Variants in PCDHGA7 observed in about 807,000 individuals in gnomAD.
PCDHGA7 encodes protocadherin gamma subfamily A, 7, also known as protocadherin gamma-A7.
PCDHGA7 carries 44 observed loss-of-function variants against 58.3 expected under a neutral mutation model. The observed-to-expected ratio is 0.75, with a 90% CI of 0.59 to 0.97. The LOEUF (loss-of-function observed/expected upper bound fraction) is 0.97. PCDHGA7 is among the 50% of genes least tolerant of loss of function. The pLI is 0.00. For synonymous variants in PCDHGA7, 516 were observed against 504.2 expected (o/e 1.02, Z -0.31); for missense variants, 1,266 against 1,188.7 (o/e 1.06, Z -0.96).
At chr5:141,427,249 G>A (rs1417336994) in intron 1 of PCDHGA7, 1 of 456,742 alleles carries the variant, frequency 2.2e-6, no homozygotes, top group African/African-American at 2.0e-5. Context: ...GCTAAGGATG[G>A]TGGAGGCATG....
chr5:141,458,059 T>A (rs533147047), intron 1 of PCDHGA7, among the ~76,000 whole-genome samples: 1 of 152,238 alleles, frequency 6.6e-6, no homozygotes, highest in Admixed American at 6.5e-5. Flanking sequence ...CTTGCTGCAC[T>A]GATGCGAACA....
intron 3 of PCDHGA7, 88 bp from the exon 4 acceptor site, chr5:141,510,859 A>G: frequency 6.2e-7 from 1 of 1,606,096 alleles, no homozygotes; most frequent in Non-Finnish European, 8.5e-7. Context: ...GGTGCTGTAT[A>G]GGCATTCATT....
chr5:141,421,047 C>G, intron 1 of PCDHGA7: 1 of 552,794 alleles, frequency 1.8e-6, no homozygotes, highest in Middle Eastern at 4.8e-4. Flanking sequence ...CCTCCCCCGC[C>G]TCTACCACAC....
In PCDHGA7 at chr5:141,480,033, C is replaced by G. The variant is rs370321166; in HGVS notation, c.2425-14774C>G. On this transcript the variant is annotated intron_variant, in intron 1 of 3. Coordinates refer to ENST00000518325, the MANE Select transcript of PCDHGA7 (RefSeq NM_018920.4). ...CTCAATCTCCTTTCTAAGCCTCTTC[C>G]TCATATGCAAAAAGGGAATAATAAG... is the stretch of plus-strand genomic sequence containing the variant. Among the ~76,000 whole-genome samples, 3 of 152,224 alleles carry G rather than the reference C, an allele frequency of 2.0e-5. No individual in the cohort carries two copies. The East Asian group carries it at 5.8e-4, about 29-fold the overall frequency.
In PCDHGA7 at chr5:141,512,926, T is replaced by C. The variant is rs1438111849; in HGVS notation, c.*1753T>C. The C allele has an allele frequency of 6.6e-6, 1 of 152,216 alleles. No homozygotes were observed. The highest frequency in any genetic ancestry group is 1.5e-5 in the Non-Finnish European group (1 of 68,048). 9.4% of individuals were successfully genotyped at this position (152,216 alleles called of 1,614,324 possible). A position where few individuals can be genotyped will look rare whatever the true frequency, so the allele number is the denominator to read the frequency against. On this transcript the variant is annotated 3_prime_UTR_variant, in exon 4 of 4. Coordinates refer to ENST00000518325, the MANE Select transcript of PCDHGA7 (RefSeq NM_018920.4). ...CGCAAGTTTTATACTCTAATATTTA[T>C]ATGGCTTTTTTTCTTCGACAAAAAA...
chr5:141,483,833 G>A (rs964111814), intron 1 of PCDHGA7, among the ~76,000 whole-genome samples: 1 of 152,116 alleles, frequency 6.6e-6, no homozygotes, highest in Admixed American at 6.5e-5. Flanking sequence ...CCTAGGTAAG[G>A]ACTTGGTTGA....
At position 141,395,542 on chromosome 5, in the gene PCDHGA7, T is replaced by TTG. The variant is rs55729045; in HGVS notation, c.2424+10267_2424+10268dup. On this transcript the variant is annotated intron_variant, in intron 1 of 3. Transcript: ENST00000518325. ...TCCATACTGGTAATTTTGCTATTGT[T>TTG]TGTGTGTGTGTGTGTGTGTGTGTGT... 1.5e-3 allele frequency: 267 copies of TTG among 172,614 alleles called. 1 individual carries two copies. The highest frequency in any genetic ancestry group is 2.3e-3 in the African/African-American group (40 of 17,550). The allele number at this position is 172,614 out of a possible 1,614,324, so 10.7% of individuals were successfully genotyped here.
In PCDHGA7 at chr5:141,404,896, C is replaced by T. The variant is rs182502698; in HGVS notation, c.2424+19573C>T. ...AGAGCCTTGTGGTGGCTGTACAGGA[C>T]CATGGCCAGCCCCCTCTCTCGGCCA... On this transcript the variant is annotated intron_variant, in intron 1 of 3. Transcript: ENST00000518325. The T allele has an allele frequency of 3.7e-5, 59 of 1,613,884 alleles. No homozygotes were observed. The Admixed American group carries it at 8.3e-4, about 23-fold the overall frequency.
At chr5:141,418,065 G>T in intron 1 of PCDHGA7, 1 of 1,614,064 alleles carries the variant, frequency 6.2e-7, no homozygotes, top group East Asian at 2.2e-5. Context: ...CTGCGAGTGA[G>T]CGCGGAGAAG....
At chr5:141,404,675 G>A (rs1048688884) in intron 1 of PCDHGA7, 2 of 1,614,200 alleles carry the variant, frequency 1.2e-6, no homozygotes, top group Non-Finnish European at 1.7e-6. Flanking sequence ...TTCTACTGGT[G>A]TGGAGCTGGC....
intron 1 of PCDHGA7, chr5:141,392,171 C>A (rs1182647236): frequency 6.6e-6 from 1 of 152,216 alleles, no homozygotes; most frequent in African/African-American, 2.4e-5. Flanking sequence ...CTGAGTCAGT[C>A]ATCTCCAGTA....
intron 1 of PCDHGA7, chr5:141,393,020 A>G: frequency 2.5e-6 from 4 of 1,613,760 alleles, no homozygotes; most frequent in Non-Finnish European, 3.4e-6. Flanking sequence ...TCGTCTCCAG[A>G]GGTAGGACGC....
intron 1 of PCDHGA7, chr5:141,394,860 G>T: frequency 1.2e-6 from 2 of 1,613,792 alleles, no homozygotes; most frequent in Non-Finnish European, 1.7e-6. Context: ...GCCTTCGGTC[G>T]ACCCGAACGA....
At position 141,432,119 on chromosome 5, in the gene PCDHGA7, C is replaced by T. The variant is rs1273427353; in HGVS notation, c.2424+46796C>T. On this transcript the variant is annotated intron_variant, in intron 1 of 3. Transcript: ENST00000518325. The surrounding 1 kb of genome is among the most constrained non-coding windows in gnomAD (Gnocchi z 6.0). ...CAACGACAACCCGCCGGTCTTCCCT[C>T]AGGCCTCCTATTCCGCTTATATCCC... is the stretch of plus-strand genomic sequence containing the variant. 7 of 1,614,184 alleles carry T rather than the reference C, an allele frequency of 4.3e-6. No homozygotes were observed. Among genetic ancestry groups the T allele is most frequent in the Non-Finnish European group, 5.9e-6 (7 of 1,180,032 alleles).
At position 141,476,242 on chromosome 5, in the gene PCDHGA7, G is replaced by A. The variant is rs369923405; in HGVS notation, c.2425-18565G>A. The A allele has an allele frequency of 6.2e-6, 10 of 1,614,100 alleles. No individual in the cohort carries two copies. The highest frequency in any genetic ancestry group is 8.5e-6 in the Non-Finnish European group (10 of 1,180,026). The stretch of plus-strand genomic sequence containing the variant: ...ACTATGAGATCCCGGAGGAAAGAGA[G>A]AAGGGTTTCGCTGTGGGCAACGTGG... On this transcript the variant is annotated intron_variant, in intron 1 of 3. Transcript: ENST00000518325. This position sits in a 1 kb window ranked among gnomAD's most constrained non-coding sequence, Gnocchi z 7.6.
Position 141,383,856 on chromosome 5 carries a change from T to C in PCDHGA7, c.957T>C (p.Val319=), listed in dbSNP as rs1307177086. ...YEETAFYEME[V]QAQDGPGSLT... is the part of the protein sequence containing the mutation. ...AAACTGCCTTCTATGAAATGGAGGTTCAGGCTCAAGATGGTCCTGGTAGTC... is the reference window on the plus strand; with the variant it reads ...AAACTGCCTTCTATGAAATGGAGGTCCAGGCTCAAGATGGTCCTGGTAGTC... Residue 319 remains valine (V), a synonymous_variant, in exon 1 of 4, where the codon GTT becomes GTC. Transcript: ENST00000518325. The C allele has an allele frequency of 6.2e-7, 1 of 1,613,964 alleles. No homozygotes were observed. Among genetic ancestry groups the C allele is most frequent in the Admixed American group, 1.7e-5 (1 of 60,026 alleles).
At chr5:141,419,702 G>T (rs116279995) in intron 1 of PCDHGA7, 2 of 1,612,834 alleles carry the variant, frequency 1.2e-6, no homozygotes, top group East Asian at 4.5e-5. Context: ...CAGTGAGCCC[G>T]GGCTCTTCAG....
Position 141,478,910 on chromosome 5 carries a change from A to G in PCDHGA7, c.2425-15897A>G, listed in dbSNP as rs568573298. On this transcript the variant is annotated intron_variant, in intron 1 of 3. Transcript: ENST00000518325. ...ATTTACATTAGGAATAAGCTGCTGG[A>G]TACCTCTAACCAGTGGCAGCTTCTA... 5.3e-4 allele frequency: 474 copies of G among 893,806 alleles called. 7 individuals are homozygous for G. The South Asian group carries it at 6.8e-3, about 13-fold the overall frequency. 55.4% of individuals were successfully genotyped at this position (893,806 alleles called of 1,614,324 possible).
Position 141,432,038 on chromosome 5 carries a change from C to G in PCDHGA7, c.2424+46715C>G, listed in dbSNP as rs202246871. ...CAACATCACAGTGACCGCCACTGAC[C>G]GGGGAACCCCGCCCCTATCCACGGA... On this transcript the variant is annotated intron_variant, in intron 1 of 3. Transcript: ENST00000518325. This position sits in a 1 kb window ranked among gnomAD's most constrained non-coding sequence, Gnocchi z 6.0. 2 of 1,614,190 alleles carry G rather than the reference C, an allele frequency of 1.2e-6. No homozygotes were observed. The highest frequency in any genetic ancestry group is 8.5e-7 in the Non-Finnish European group (1 of 1,180,032).
Sources: allele counts gnomAD v4.1 joint callset (sites outside exome capture counted in the v4.1 genomes callset), GRCh38; gene constraint gnomAD v4.1.1; non-coding constraint Gnocchi (gnomAD v3.1); transcripts MANE v1.5; gene names NCBI Gene and HGNC (gene_info 2026-07-23, HGNC 2026-07-21).